Variants in MRPS9 observed in about 807,000 individuals in gnomAD.
The protein encoded by MRPS9 is small ribosomal subunit protein uS9m.
In MRPS9, 45 loss-of-function variants were observed where a neutral mutation model predicts 59.9. The ratio of observed to expected loss-of-function variants is 0.75; its 90% CI spans 0.59 to 0.96. MRPS9 has a LOEUF of 0.96. Ranked by LOEUF, MRPS9 falls within the 40% of genes least tolerant of loss-of-function variation. The probability of loss-of-function intolerance (pLI) is 0.00; values close to 1 mark genes in which losing one functional copy is unlikely to be tolerated. For synonymous variants in MRPS9, 171 were observed against 166.8 expected, an observed-to-expected ratio of 1.03 and a Z score of -0.19; for missense variants, 473 against 481.1, an observed-to-expected ratio of 0.98 and a Z score of 0.16.
intron 2 of MRPS9, among the ~76,000 whole-genome samples, chr2:105,064,559 C>T (rs1363967954): frequency 6.6e-6 from 1 of 152,128 alleles, no homozygotes; most frequent in African/African-American, 2.4e-5. Flanking sequence ...AAAGGTGGGC[C>T]TCACCCCTTT....
chr2:105,066,440 A>G (rs552766665), intron 2 of MRPS9, among the ~76,000 whole-genome samples: 3 of 152,306 alleles, frequency 2.0e-5, no homozygotes, highest in Non-Finnish European at 2.9e-5. Context: ...TAAGCCCCAG[A>G]CATCCTTTGC....
At position 105,086,234 on chromosome 2, in the gene MRPS9, A is replaced by T. The variant is rs969188707; in HGVS notation, c.490-2750A>T. Among the ~76,000 whole-genome samples the T allele has an allele frequency of 2.0e-5, 3 of 152,160 alleles. No individual in the cohort carries two copies. The East Asian group carries it at 5.8e-4, about 29-fold the overall frequency. ...TGTATGGAGTGGCTTAATGGGCATT[A>T]TGTGATTTGATGGGTTACAATCATC... On this transcript the variant is annotated intron_variant, in intron 5 of 10. Transcript: ENST00000258455.
At chr2:105,076,543 T>C (rs955691490) in intron 4 of MRPS9, among the ~76,000 whole-genome samples, 7 of 152,254 alleles carry the variant, frequency 4.6e-5, no homozygotes, top group Admixed American at 4.6e-4. Flanking sequence ...TCAATTCATT[T>C]AATGGAATGC....
chr2:105,045,711 A>C (rs1240569739), intron 1 of MRPS9, among the ~76,000 whole-genome samples: 1 of 149,456 alleles, frequency 6.7e-6, no homozygotes, highest in Non-Finnish European at 1.5e-5. Context: ...CATTGAATAT[A>C]CCGATGAAAC....
intron 2 of MRPS9, among the ~76,000 whole-genome samples, chr2:105,052,373 T>A (rs56115469): frequency 3.3e-5 from 5 of 151,996 alleles, no homozygotes; most frequent in Non-Finnish European, 7.4e-5. Context: ...GTCAGATGCT[T>A]TTCCATTTTG....
At chr2:105,050,623 T>C (rs1679694722) in intron 2 of MRPS9, among the ~76,000 whole-genome samples, 1 of 152,196 alleles carries the variant, frequency 6.6e-6, no homozygotes, top group African/African-American at 2.4e-5. Context: ...TTTTAAAAAT[T>C]AGAACAAGAT....
intron 9 of MRPS9, among the ~76,000 whole-genome samples, chr2:105,095,047 G>C (rs1680629891): frequency 6.6e-6 from 1 of 152,120 alleles, no homozygotes; most frequent in South Asian, 2.1e-4. Context: ...TACATGGTTG[G>C]GAAGCCTAAG....
At chr2:105,046,126 A>G (rs865890033) in intron 1 of MRPS9, among the ~76,000 whole-genome samples, 14 of 151,982 alleles carry the variant, frequency 9.2e-5, no homozygotes, top group Middle Eastern at 3.2e-3. Flanking sequence ...TTGGCCTCCC[A>G]AAGTGCTAGA....
chr2:105,054,314 A>T (rs931364218), intron 2 of MRPS9, among the ~76,000 whole-genome samples: 2 of 152,240 alleles, frequency 1.3e-5, no homozygotes, highest in African/African-American at 2.4e-5. Context: ...CAAGTCTTCC[A>T]TGCCACCTGA....
At chr2:105,048,329 A>G (rs533636616) in intron 1 of MRPS9, among the ~76,000 whole-genome samples, 238 of 151,788 alleles carry the variant, frequency 1.6e-3, no homozygotes, top group African/African-American at 5.1e-3. Flanking sequence ...AGGAAGGGGA[A>G]CATCACACTC....
intron 9 of MRPS9, among the ~76,000 whole-genome samples, chr2:105,095,602 A>C (rs569805033): frequency 1.3e-5 from 2 of 151,362 alleles, no homozygotes; most frequent in Non-Finnish European, 2.9e-5. Flanking sequence ...GGTTCAAGCA[A>C]TTCTCCTGCC....
chr2:105,070,420 A>T (rs1317115269), intron 2 of MRPS9, among the ~76,000 whole-genome samples: 1 of 152,186 alleles, frequency 6.6e-6, no homozygotes, highest in African/African-American at 2.4e-5. Context: ...GCAGAGTCTG[A>T]TCCAGCACAT....
chr2:105,088,957 A>T, intron 5 of MRPS9, 27 bp from the exon 6 acceptor site: 3 of 1,476,636 alleles, frequency 2.0e-6, no homozygotes, highest in Non-Finnish European at 2.8e-6. Flanking sequence ...TATTTTTAGC[A>T]TGTACTGTAT....
intron 5 of MRPS9, among the ~76,000 whole-genome samples, chr2:105,088,030 A>G (rs779379830): frequency 4.6e-5 from 7 of 151,806 alleles, no homozygotes; most frequent in Non-Finnish European, 7.4e-5. Context: ...AGACTGTTTG[A>G]GATATGGATT....
At chr2:105,050,043 TC>T (rs576773228) in intron 2 of MRPS9, among the ~76,000 whole-genome samples, 142 of 152,366 alleles carry the variant, frequency 9.3e-4, no homozygotes, top group African/African-American at 2.9e-3. Context: ...TAGTTTAATT[TC>T]AATCTTTCTG....
In MRPS9 at chr2:105,089,097, A is replaced by G. The variant is rs373835212; in HGVS notation, c.575+28A>G. 8 of 1,559,150 alleles carry G rather than the reference A, an allele frequency of 5.1e-6. No individual in the cohort carries two copies. In the African/African-American group the frequency reaches 1.1e-4, roughly 21 times the overall value. On this transcript the variant is annotated intron_variant, in intron 6 of 10. Coordinates refer to ENST00000258455, the MANE Select transcript of MRPS9 (RefSeq NM_182640.3). The stretch of plus-strand genomic sequence containing the variant: ...AAGCTCTTTTCTTGCATTAAAATAT[A>G]AGTAAAATTTGAACTAAAAACATGC...
Position 105,099,690 on chromosome 2 carries a change from C to A in MRPS9, c.1120C>A (p.Pro374Thr). The stretch of plus-strand genomic sequence containing the variant: ...TGCAGCTGGACTACTTACTACTGAT[C>A]CACGTGTGAGGGAACGGAAGAAGCC... The part of the protein sequence containing the change: ...MRQAGLLTTD[P>T]RVRERKKPGQ... Residue 374 changes from proline (P) to threonine (T), a missense_variant, in exon 11 of 11, where the codon CCA (proline) becomes ACA (threonine). Physicochemically the swap from Pro to Thr is conservative, Grantham distance 38. Transcript: ENST00000258455. The A allele has an allele frequency of 1.9e-6, 3 of 1,614,094 alleles. No homozygotes were observed. Among genetic ancestry groups the A allele is most frequent in the East Asian group, 2.2e-5 (1 of 44,882 alleles).
At chr2:105,057,325 C>T (rs961592199) in intron 2 of MRPS9, among the ~76,000 whole-genome samples, 1 of 152,156 alleles carries the variant, frequency 6.6e-6, no homozygotes, top group African/African-American at 2.4e-5. Flanking sequence ...ATGCTGTTAT[C>T]CTCAACTCCT....
intron 2 of MRPS9, 51 bp downstream of exon 2, chr2:105,049,401 T>C (rs750654855): frequency 2.0e-6 from 3 of 1,505,260 alleles, no homozygotes; most frequent in South Asian, 1.2e-5. Flanking sequence ...GTTTTAGATA[T>C]TAAAAGCACT....
Sources: gnomAD v4.1 joint callset for allele counts (sites outside exome capture counted in the v4.1 genomes callset) on GRCh38, gnomAD v4.1.1 for gene constraint, MANE v1.5 for transcripts, NCBI Gene and HGNC (gene_info 2026-07-23, HGNC 2026-07-21) for gene names.